Variants in PON1 observed in about 807,000 individuals in gnomAD.
The protein encoded by PON1 is paraoxonase 1.
Under a neutral mutation model 39.2 loss-of-function variants are expected in PON1, and 37 were observed. The ratio of observed to expected loss-of-function variants is 0.94; its 90% CI spans 0.73 to 1.24. PON1 has a LOEUF of 1.24. PON1 is among the 50% of genes most tolerant of loss of function. PON1 has a pLI of 0.00. For synonymous variants in PON1, 148 were observed against 152.2 expected, an observed-to-expected ratio of 0.97 and a Z score of 0.21; for missense variants, 397 against 413.5, an observed-to-expected ratio of 0.96 and a Z score of 0.35.
chr7:95,320,181 A>G (rs1807864174), intron 1 of PON1, among the ~76,000 whole-genome samples: 1 of 152,220 alleles, frequency 6.6e-6, no homozygotes, highest in African/African-American at 2.4e-5. Context: ...AAGGATAGTC[A>G]AATTCACTTT....
At chr7:95,299,696 C>T (rs1055431682) in intron 8 of PON1, among the ~76,000 whole-genome samples, 6 of 152,160 alleles carry the variant, frequency 3.9e-5, no homozygotes, top group Admixed American at 2.6e-4. Context: ...AAACATCAGA[C>T]TCCAAATTCT....
chr7:95,298,514 C>A lies in PON1; in HGVS notation c.*430G>T, dbSNP rs771468308. 1 of 284,022 alleles carries A rather than the reference C, an allele frequency of 3.5e-6. No individual in the cohort carries two copies. The highest frequency in any genetic ancestry group is 6.9e-6 in the Non-Finnish European group (1 of 145,834). 17.6% of individuals were successfully genotyped at this position (284,022 alleles called of 1,614,324 possible). ...TTTTCTGGCCTGTGAACTGGAGTCCCTGGGTGAGTACTGGAGTTCTAAAGA... is the reference window on the plus strand; with the variant it reads ...TTTTCTGGCCTGTGAACTGGAGTCCATGGGTGAGTACTGGAGTTCTAAAGA... On this transcript the variant is annotated 3_prime_UTR_variant, in exon 9 of 9. Transcript: ENST00000222381.
intron 4 of PON1, among the ~76,000 whole-genome samples, chr7:95,314,124 C>T (rs981961533): frequency 2.0e-5 from 3 of 151,850 alleles, no homozygotes; most frequent in African/African-American, 7.3e-5. Flanking sequence ...TTTGGGAGGC[C>T]GAGATGGGAG....
At chr7:95,316,840 T>C (rs1807780068) in intron 2 of PON1, 51 bp from the exon 3 acceptor site, 2 of 1,432,228 alleles carry the variant, frequency 1.4e-6, no homozygotes, top group African/African-American at 1.4e-5. Context: ...TATTGCAGGA[T>C]GTGGATCCAT....
chr7:95,318,388 C>A lies in PON1; in HGVS notation c.80G>T (p.Arg27Leu). The part of the protein sequence containing the change: ...FRNHQSSYQT[R>L]LNALREVQPV... ...TTGTACCTCTCGGAGAGCATTAAGTCGTGTTCTGTGGGGGAGAAAGAAATA... is the reference window on the plus strand; with the variant it reads ...TTGTACCTCTCGGAGAGCATTAAGTAGTGTTCTGTGGGGGAGAAAGAAATA... Residue 27 changes from arginine (R) to leucine (L), a missense_variant, in exon 2 of 9, where the codon CGA becomes CTA. Arg to Leu is a moderately radical substitution (Grantham distance 102, BLOSUM62 -2). Coordinates refer to ENST00000222381, the MANE Select transcript of PON1 (RefSeq NM_000446.7). 3 of 1,606,704 alleles carry A rather than the reference C, an allele frequency of 1.9e-6. No homozygotes were observed. In the South Asian group the frequency reaches 3.3e-5, roughly 18 times the overall value.
chr7:95,315,383 A>C lies in PON1; in HGVS notation c.309T>G (p.Thr103=). 1 of 1,613,678 alleles carries C rather than the reference A, an allele frequency of 6.2e-7. No individual in the cohort carries two copies. Among genetic ancestry groups the C allele is most frequent in the Non-Finnish European group, 8.5e-7 (1 of 1,179,560 alleles). ...EDPTVLELGI[T]GSKFDVSSFN... Reference sequence around the variant, plus strand: ...ATGAAGATACATCAAATTTACTTCCAGTGATCCCCAATTCCAACACTGTTG... The same window carrying C: ...ATGAAGATACATCAAATTTACTTCCCGTGATCCCCAATTCCAACACTGTTG... Residue 103 remains threonine (T), a synonymous_variant, in exon 4 of 9, where the codon ACT becomes ACG. Transcript: ENST00000222381.
intron 2 of PON1, among the ~76,000 whole-genome samples, 162 bp from the exon 3 acceptor site, chr7:95,316,951 T>A (rs112766166): frequency 5.9e-5 from 9 of 152,348 alleles, no homozygotes; most frequent in African/African-American, 2.2e-4. Context: ...ATGAATGCGA[T>A]TATATGGAAA....
At chr7:95,308,240 A>G (rs1305441291) in intron 5 of PON1, 29 bp from the exon 6 acceptor site, 2 of 1,588,828 alleles carry the variant, frequency 1.3e-6, no homozygotes, top group East Asian at 2.2e-5. Context: ...CACATAATAT[A>G]TAAGGTGAAG....
intron 3 of PON1, among the ~76,000 whole-genome samples, chr7:95,316,041 C>T (rs1585699268): frequency 6.6e-6 from 1 of 152,168 alleles, no homozygotes; most frequent in East Asian, 1.9e-4. Flanking sequence ...CAAGACATTG[C>T]TTTGCAGGAT....
At chr7:95,317,088 A>C (rs1807784626) in intron 2 of PON1, among the ~76,000 whole-genome samples, 1 of 152,344 alleles carries the variant, frequency 6.6e-6, no homozygotes, top group South Asian at 2.1e-4. Flanking sequence ...AAATTCACAA[A>C]ACGTACAAAA....
intron 1 of PON1, among the ~76,000 whole-genome samples, chr7:95,319,984 C>T (rs1266673763): frequency 6.6e-6 from 1 of 152,122 alleles, no homozygotes; most frequent in African/African-American, 2.4e-5. Flanking sequence ...TTGTTACCCA[C>T]CATTTGAAAA....
chr7:95,324,327 A>G, intron 1 of PON1, 75 bp downstream of exon 1: 3 of 1,446,910 alleles, frequency 2.1e-6, no homozygotes, highest in Non-Finnish European at 2.9e-6. Flanking sequence ...CCTGGACCCA[A>G]CTTTCTGGGG....
chr7:95,299,000 T>G lies in PON1; in HGVS notation c.1012A>C (p.Lys338Gln). The G allele has an allele frequency of 1.2e-6, 2 of 1,614,204 alleles. No homozygotes were observed. Among genetic ancestry groups the G allele is most frequent in the Non-Finnish European group, 1.7e-6 (2 of 1,180,020 alleles). ...LQGSTVASVY[K>Q]GKLLIGTVFH... ...ACTGTGCCAATCAGCAGTTTCCCTTTGTACACAGAGGCAACTGTACTGCCT... is the reference window on the plus strand; with the variant it reads ...ACTGTGCCAATCAGCAGTTTCCCTTGGTACACAGAGGCAACTGTACTGCCT... Residue 338 changes from lysine (K) to glutamine (Q), a missense_variant, in exon 9 of 9, where the codon AAA (lysine) becomes CAA (glutamine). By Grantham distance (53) the Lys-to-Gln change is moderately conservative. Transcript: ENST00000222381.
intron 2 of PON1, 41 bp from the exon 3 acceptor site, chr7:95,316,830 T>G (rs951447055): frequency 4.6e-6 from 7 of 1,509,994 alleles, no homozygotes; most frequent in Non-Finnish European, 5.5e-6. Context: ...TGTTTCATAT[T>G]ATTGCAGGAT....
chr7:95,307,870 T>G, intron 6 of PON1, 141 bp downstream of exon 6: 1 of 879,748 alleles, frequency 1.1e-6, no homozygotes, highest in Non-Finnish European at 1.8e-6. Flanking sequence ...CCTGAAAAAT[T>G]AAGACATTTT....
At chr7:95,310,388 A>G (rs1807628042) in intron 5 of PON1, among the ~76,000 whole-genome samples, 1 of 152,178 alleles carries the variant, frequency 6.6e-6, no homozygotes, top group Non-Finnish European at 1.5e-5. Flanking sequence ...TGTTCCTCAC[A>G]TTCTCCACTC....
chr7:95,324,283 A>G (rs1807963986), intron 1 of PON1, 119 bp downstream of exon 1: 2 of 894,596 alleles, frequency 2.2e-6, no homozygotes, highest in Non-Finnish European at 3.7e-6. Flanking sequence ...CAGAGTGTGC[A>G]TCTAGCACCT....
intron 7 of PON1, among the ~76,000 whole-genome samples, chr7:95,303,588 T>C (rs1402221182): frequency 6.6e-6 from 1 of 152,114 alleles, no homozygotes; most frequent in Non-Finnish European, 1.5e-5. Context: ...ACTGAGCTCC[T>C]ACATGAGCTC....
At chr7:95,322,319 T>C (rs1402881419) in intron 1 of PON1, among the ~76,000 whole-genome samples, 1 of 96,948 alleles carries the variant, frequency 1.0e-5, no homozygotes, top group Non-Finnish European at 2.0e-5. Flanking sequence ...TATATAAATA[T>C]AAATATATGT....
Sources: gnomAD v4.1 joint callset for allele counts (sites outside exome capture counted in the v4.1 genomes callset) on GRCh38, gnomAD v4.1.1 for gene constraint, MANE v1.5 for transcripts, NCBI Gene and HGNC (gene_info 2026-07-23, HGNC 2026-07-21) for gene names.